Variants in DUSP14 observed in about 807,000 individuals in gnomAD.
The protein encoded by DUSP14 is dual specificity phosphatase 14, also known as dual specificity protein phosphatase 14.
In DUSP14, 5 loss-of-function variants were observed where a neutral mutation model predicts 13.2. That is an observed-to-expected ratio of 0.38 (90% CI 0.20 to 0.80). The LOEUF (loss-of-function observed/expected upper bound fraction) is 0.80. Among genes scored for constraint, DUSP14 ranks in the 30% least tolerant of loss-of-function variants. The pLI, the probability that DUSP14 is intolerant of heterozygous loss-of-function variation, is 0.44. For synonymous variants in DUSP14, 91 were observed against 103.4 expected, an observed-to-expected ratio of 0.88 and a Z score of 0.73; for missense variants, 185 against 264.0, an observed-to-expected ratio of 0.70 and a Z score of 2.07.
At chr17:37,506,675 TTTTA>T (rs1219467582) in intron 1 of DUSP14, among the ~76,000 whole-genome samples, 1 of 152,292 alleles carries the variant, frequency 6.6e-6, no homozygotes, top group African/African-American at 2.4e-5. Context: ...CCCATGGGTT[TTTTA>T]TTTTTTACCA....
intron 1 of DUSP14, among the ~76,000 whole-genome samples, chr17:37,501,512 C>G (rs1568201785): frequency 1.3e-5 from 2 of 151,940 alleles, no homozygotes; most frequent in Non-Finnish European, 2.9e-5. Context: ...CATTCCAAGT[C>G]TAAAACAGGA....
chr17:37,488,614 T>C (rs2054005086), upstream of DUSP14, among the ~76,000 whole-genome samples: 1 of 152,234 alleles, frequency 6.6e-6, no homozygotes. Context: ...TTCTCTTAGA[T>C]TAATTTTGCC....
chr17:37,498,146 CACATG>C (rs2054078157), intron 1 of DUSP14, among the ~76,000 whole-genome samples: 1 of 151,282 alleles, frequency 6.6e-6, no homozygotes, highest in African/African-American at 2.4e-5. Context: ...TTTCACATTT[CACATG>C]ATATTTCTTT....
intron 1 of DUSP14, among the ~76,000 whole-genome samples, chr17:37,493,574 T>A (rs2054043358): frequency 6.6e-6 from 1 of 152,246 alleles, no homozygotes; most frequent in Non-Finnish European, 1.5e-5. Context: ...TAGCGTATTT[T>A]TATTTAGTTA....
chr17:37,490,845 C>A (rs1196386361), intron 1 of DUSP14, among the ~76,000 whole-genome samples: 1 of 151,958 alleles, frequency 6.6e-6, no homozygotes, highest in East Asian at 1.9e-4. Context: ...GATGTAAAAA[C>A]GGAGGCGAAG....
At chr17:37,502,472 C>G (rs1024750938) in intron 1 of DUSP14, among the ~76,000 whole-genome samples, 3 of 151,958 alleles carry the variant, frequency 2.0e-5, no homozygotes, top group Non-Finnish European at 4.4e-5. Flanking sequence ...GCCTGAGCCA[C>G]TGCCCCTGGC....
At chr17:37,499,539 T>A (rs141875197) in intron 1 of DUSP14, among the ~76,000 whole-genome samples, 1 of 151,948 alleles carries the variant, frequency 6.6e-6, no homozygotes, top group East Asian at 2.0e-4. Flanking sequence ...GTTTGTTTTT[T>A]GTTTTTTGAG....
At chr17:37,510,098 GC>G (rs1459638698) in intron 1 of DUSP14, 10 of 152,350 alleles carry the variant, frequency 6.6e-5, no homozygotes, top group African/African-American at 9.6e-5. Flanking sequence ...CCTGTAATTA[GC>G]GTTCCTGGCT....
chr17:37,504,875 C>T (rs537520812), intron 1 of DUSP14, among the ~76,000 whole-genome samples: 1 of 152,232 alleles, frequency 6.6e-6, no homozygotes, highest in Non-Finnish European at 1.5e-5. Flanking sequence ...GCCACTGTGC[C>T]TGGCTGAAAT....
At chr17:37,493,048 C>T (rs565017527) in intron 1 of DUSP14, among the ~76,000 whole-genome samples, 8 of 151,942 alleles carry the variant, frequency 5.3e-5, no homozygotes, top group Non-Finnish European at 8.8e-5. Context: ...TATATACACA[C>T]GCACATATAT....
intron 1 of DUSP14, among the ~76,000 whole-genome samples, chr17:37,499,577 G>A (rs117495775): frequency 3.1e-3 from 470 of 152,156 alleles, no homozygotes; most frequent in Non-Finnish European, 4.8e-3. Context: ...CACGCAGGCT[G>A]GAGTGAACTG....
chr17:37,511,956 T>G (rs2054191841), intron 2 of DUSP14, among the ~76,000 whole-genome samples: 1 of 139,890 alleles, frequency 7.1e-6, no homozygotes, highest in Non-Finnish European at 1.5e-5. Flanking sequence ...TTTTTTTTTT[T>G]GGACAATCAC....
intron 1 of DUSP14, among the ~76,000 whole-genome samples, chr17:37,509,237 TAC>T (rs1186408533): frequency 1.3e-5 from 1 of 76,940 alleles, no homozygotes; most frequent in Admixed American, 1.8e-4. Context: ...ACACACTATA[TAC>T]ACACTATATA....
chr17:37,512,577 G>C lies in DUSP14; in HGVS notation c.305G>C (p.Arg102Thr), dbSNP rs2054197128. 6.2e-7 allele frequency: 1 copy of C among 1,614,056 alleles called. No homozygotes were observed. The highest frequency in any genetic ancestry group is 8.5e-7 in the Non-Finnish European group (1 of 1,180,028). ...TVADKIHSVSRKHGATLVHCA... is the reference protein window; with the variant it reads ...TVADKIHSVSTKHGATLVHCA... ...GCTGACAAGATCCACAGTGTGAGCA[G>C]GAAGCACGGGGCCACCTTGGTGCAC... The change falls in exon 3 of 3, where the codon AGG (arginine) becomes ACG (threonine). Residue 102 changes from arginine to threonine, a missense_variant. Transcript: ENST00000617516. This position sits in a 1 kb window ranked among gnomAD's most constrained non-coding sequence, Gnocchi z 4.8.
At chr17:37,503,033 C>G (rs564239339) in intron 1 of DUSP14, among the ~76,000 whole-genome samples, 2 of 152,210 alleles carry the variant, frequency 1.3e-5, no homozygotes, top group East Asian at 3.9e-4. Context: ...CCACGCCCAG[C>G]CTTTAGTGTA....
In DUSP14 at chr17:37,497,843, C is replaced by T. The variant is rs543520936; in HGVS notation, c.-181+7885C>T. Reference sequence around the variant, plus strand: ...GGCCAGCCAGAGTATCACTTGAGCCCGGGAATTCAAGGCCAGCCTGGGCAA... The same window carrying T: ...GGCCAGCCAGAGTATCACTTGAGCCTGGGAATTCAAGGCCAGCCTGGGCAA... On this transcript the variant is annotated intron_variant, in intron 1 of 2. Coordinates refer to ENST00000617516, the MANE Select transcript of DUSP14 (RefSeq NM_007026.4). Among the ~76,000 whole-genome samples, 5 of 151,932 alleles carry T rather than the reference C, an allele frequency of 3.3e-5. No individual in the cohort carries two copies. The South Asian group carries it at 6.2e-4, about 19-fold the overall frequency.
At chr17:37,503,196 A>G (rs981661480) in intron 1 of DUSP14, among the ~76,000 whole-genome samples, 2 of 152,160 alleles carry the variant, frequency 1.3e-5, no homozygotes, top group African/African-American at 4.8e-5. Context: ...AGGCCGAGGT[A>G]GGTAGATTGC....
intron 1 of DUSP14, among the ~76,000 whole-genome samples, chr17:37,505,673 C>T (rs2054133296): frequency 1.4e-5 from 2 of 148,012 alleles, no homozygotes; most frequent in South Asian, 4.3e-4. Flanking sequence ...AAAGTAACCT[C>T]CGTGGCATTA....
rs544336185 is a variant in DUSP14 at position 37,513,262 on chromosome 17, G to C, written c.*393G>C. 5.1e-6 allele frequency: 1 copy of C among 197,124 alleles called. No individual in the cohort carries two copies. The highest frequency in any genetic ancestry group is 1.5e-4 in the East Asian group (1 of 6,748). The allele number at this position is 197,124 out of a possible 1,614,324, so 12.2% of individuals were successfully genotyped here. Reference sequence around the variant, plus strand: ...CCCTTTAGAGACAAGCTTTGCCCCAGGCTGCGGACCAGACAGATGCTTAGG... The same window carrying C: ...CCCTTTAGAGACAAGCTTTGCCCCACGCTGCGGACCAGACAGATGCTTAGG... On this transcript the variant is annotated 3_prime_UTR_variant, in exon 3 of 3. Coordinates refer to ENST00000617516, the MANE Select transcript of DUSP14 (RefSeq NM_007026.4).
Sources: gnomAD v4.1 joint callset for allele counts (sites outside exome capture counted in the v4.1 genomes callset) on GRCh38, gnomAD v4.1.1 for gene constraint, Gnocchi (gnomAD v3.1) non-coding constraint, MANE v1.5 for transcripts, NCBI Gene and HGNC (gene_info 2026-07-23, HGNC 2026-07-21) for gene names.